The following RSPH4A variants were observed in gnomAD, a reference collection of about 807,000 sequenced individuals.
RSPH4A encodes the protein radial spoke head protein 4 homolog A.
RSPH4A carries 47 observed loss-of-function variants against 71.0 expected under a neutral mutation model. The ratio of observed to expected loss-of-function variants is 0.66; its 90% confidence interval spans 0.52 to 0.84. The LOEUF (loss-of-function observed/expected upper bound fraction) is 0.84. Among genes scored for constraint, RSPH4A ranks in the 40% least tolerant of loss-of-function variants. The pLI is 0.00. For synonymous variants in RSPH4A, 282 were observed against 302.3 expected, an observed-to-expected ratio of 0.93 and a Z score of 0.70; for missense variants, 793 against 855.2, an observed-to-expected ratio of 0.93 and a Z score of 0.91.
At chr6:116,620,947 C>T (rs1775593976) in intron 1 of RSPH4A, among the ~76,000 whole-genome samples, 2 of 152,170 alleles carry the variant, frequency 1.3e-5, no homozygotes, top group Admixed American at 1.3e-4. Context: ...CAACCTCCAC[C>T]TCCTGGGTTC....
intron 1 of RSPH4A, among the ~76,000 whole-genome samples, chr6:116,622,176 G>A (rs183239127): frequency 3.3e-5 from 5 of 152,122 alleles, no homozygotes; most frequent in Admixed American, 3.3e-4. Context: ...GGTCTGAGAA[G>A]CACTGAAGTA....
chr6:116,616,931 A>G lies in RSPH4A; in HGVS notation c.308A>G (p.Asp103Gly). 6.2e-7 allele frequency: 1 copy of G among 1,614,014 alleles called. No individual in the cohort carries two copies. Among genetic ancestry groups the G allele is most frequent in the Non-Finnish European group, 8.5e-7 (1 of 1,180,004 alleles). ...SPSPLAPARQ[D>G]LAAPPQSDRT... ...TCTCCCCTGGCTCCGGCCAGACAAG[A>G]CCTCGCGGCACCACCTCAGTCGGAC... The change falls in exon 1 of 6, where the codon GAC (aspartate) becomes GGC (glycine). Residue 103 changes from aspartate (D) to glycine (G), a missense_variant. By Grantham distance (94) the Asp-to-Gly change is moderately conservative. Transcript: ENST00000229554.
rs1173962922 is a variant in RSPH4A, at chr6:116,628,310, AT to A, written c.1605del (p.Ile535MetfsTer3). On this transcript the variant is annotated frameshift_variant, in exon 3 of 6. Coordinates refer to ENST00000229554, the MANE Select transcript of RSPH4A (RefSeq NM_001010892.3). LOFTEE classifies it high-confidence loss of function. ...CCCTGATTTTGAAGGCATCCAAGTG[AT>A]TGATCTAGTAGAATCCCTATCCAAT... is the stretch of plus-strand genomic sequence containing the variant. ...ENPDFEGIQV[I>X]DLVESLSNWV... 3.1e-6 allele frequency: 5 copies of A among 1,612,290 alleles called. 1 individual carries two copies. The South Asian group carries it at 5.5e-5, about 18-fold the overall frequency.
chr6:116,630,420 C>A lies in RSPH4A; in HGVS notation c.1799-15C>A. 1.5e-6 allele frequency: 2 copies of A among 1,374,198 alleles called. No individual in the cohort carries two copies. The highest frequency in any genetic ancestry group is 1.8e-4 in the Middle Eastern group (1 of 5,648). The allele number at this position is 1,374,198 out of a possible 1,614,324, so 85.1% of individuals were successfully genotyped here. ...AGTTAGGAATTAAGCTTTTGCATTT[C>A]TCTTTGGGTTCCAGAGATTCAGAAT... On this transcript the variant is annotated splice_polypyrimidine_tract_variant and intron_variant, in intron 4 of 5. Coordinates refer to ENST00000229554, the MANE Select transcript of RSPH4A (RefSeq NM_001010892.3).
chr6:116,630,145 G>A (rs924406101), intron 4 of RSPH4A, among the ~76,000 whole-genome samples: 2 of 151,926 alleles, frequency 1.3e-5, no homozygotes, highest in African/African-American at 4.8e-5. Context: ...CCTTTCATTG[G>A]GCCATCAAAT....
chr6:116,625,443 A>T (rs1229841599), intron 2 of RSPH4A, among the ~76,000 whole-genome samples: 1 of 152,246 alleles, frequency 6.6e-6, no homozygotes, highest in East Asian at 1.9e-4. Context: ...TTCTTTGTGC[A>T]TTGATAAGTA....
rs1583346139 is a variant in RSPH4A, at chr6:116,617,149, C to T, written c.526C>T (p.Leu176=). 6.2e-6 allele frequency: 10 copies of T among 1,614,202 alleles called. No homozygotes were observed. The highest frequency in any genetic ancestry group is 8.5e-6 in the Non-Finnish European group (10 of 1,180,040). ...VSYNNAKQKE[L]RFDVFQEEDS... is the part of the protein sequence containing the mutation. Reference sequence around the variant, plus strand: ...CTATAACAACGCTAAACAGAAAGAGCTGAGATTTGACGTTTTTCAGGAGGA... The same window carrying T: ...CTATAACAACGCTAAACAGAAAGAGTTGAGATTTGACGTTTTTCAGGAGGA... The change falls in exon 1 of 6, where the codon CTG becomes TTG. Residue 176 remains leucine (L), a synonymous_variant. Coordinates refer to ENST00000229554, the MANE Select transcript of RSPH4A (RefSeq NM_001010892.3).
In RSPH4A at chr6:116,629,703, GT is replaced by G; in HGVS notation, c.1798+3del. 1.2e-6 allele frequency: 2 copies of G among 1,607,158 alleles called. No homozygotes were observed. Among genetic ancestry groups the G allele is most frequent in the Non-Finnish European group, 1.7e-6 (2 of 1,174,120 alleles). On this transcript the variant is annotated splice_donor_variant, in intron 4 of 5. Coordinates refer to ENST00000229554, the MANE Select transcript of RSPH4A (RefSeq NM_001010892.3). LOFTEE classifies it high-confidence loss of function. ...TTGACACCAATCTCTGAAGATTTAG[GT>G]TATTTTACGTAACTATTATCACACA... is the stretch of plus-strand genomic sequence containing the variant.
At chr6:116,625,160 GTTA>G (rs1347930683) in intron 2 of RSPH4A, among the ~76,000 whole-genome samples, 1 of 152,154 alleles carries the variant, frequency 6.6e-6, no homozygotes, top group African/African-American at 2.4e-5. Flanking sequence ...AATAGCAATT[GTTA>G]TTATATTCTT....
rs779007054 is a variant in RSPH4A, at chr6:116,632,451, A to G, written c.*10A>G. 6.9e-6 allele frequency: 11 copies of G among 1,604,964 alleles called. No individual in the cohort carries two copies. The highest frequency in any genetic ancestry group is 1.7e-5 in the Admixed American group (1 of 58,646). ...AGATGATTATGACTAATAAACATAA[A>G]ATTAGCCTGGTTTTATGTGACACTG... On this transcript the variant is annotated 3_prime_UTR_variant, in exon 6 of 6. Coordinates refer to ENST00000229554, the MANE Select transcript of RSPH4A (RefSeq NM_001010892.3).
At chr6:116,625,808 GA>G (rs1337566105) in intron 2 of RSPH4A, among the ~76,000 whole-genome samples, 1 of 152,092 alleles carries the variant, frequency 6.6e-6, no homozygotes, top group Non-Finnish European at 1.5e-5. Context: ...AGAGTACATA[GA>G]AAAAAGAGAA....
Position 116,627,628 on chromosome 6 carries a change from G to T in RSPH4A, c.922-1G>T. 6.2e-7 allele frequency: 1 copy of T among 1,612,798 alleles called. No homozygotes were observed. Among genetic ancestry groups the T allele is most frequent in the Non-Finnish European group, 8.5e-7 (1 of 1,178,842 alleles). On this transcript the variant is annotated splice_acceptor_variant, in intron 2 of 5. Transcript: ENST00000229554. LOFTEE classifies it high-confidence loss of function. ...TTTAACCACAGCATTTGTTTCCCCA[G>T]GCAGAAAACGCTCTTCCAAATGTAA...
intron 5 of RSPH4A, among the ~76,000 whole-genome samples, chr6:116,631,992 G>GTT (rs570057680): frequency 6.8e-6 from 1 of 146,096 alleles, no homozygotes; most frequent in African/African-American, 2.5e-5. Context: ...TGGCCCCATG[G>GTT]TTTTTTTTTT....
Position 116,622,939 on chromosome 6 carries a change from G to A in RSPH4A, c.858G>A (p.Lys286=), listed in dbSNP as rs1285096218. Residue 286 remains lysine, a synonymous_variant, in exon 2 of 6, where the codon AAG becomes AAA. Transcript: ENST00000229554. The part of the protein sequence containing the change: ...ELLPTYEIAE[K]QKALFLQGHL... ...TTCCAACATATGAAATAGCAGAAAA[G>A]CAAAAGGCTCTTTTTCTCCAGGGAC... The A allele has an allele frequency of 6.2e-7, 1 of 1,613,934 alleles. No individual in the cohort carries two copies. Among genetic ancestry groups the A allele is most frequent in the Admixed American group, 1.7e-5 (1 of 60,002 alleles).
Position 116,628,419 on chromosome 6 carries a change from T to C in RSPH4A, c.1662+50T>C, listed in dbSNP as rs375750951. On this transcript the variant is annotated intron_variant, in intron 3 of 5. Coordinates refer to ENST00000229554, the MANE Select transcript of RSPH4A (RefSeq NM_001010892.3). ...TATCAGGTAATTAGGCAAATATTCA[T>C]TAAATGGTCACTATAATGCACAAAG... The C allele has an allele frequency of 2.0e-4, 279 of 1,396,944 alleles. 1 individual carries two copies. Among genetic ancestry groups the C allele is most frequent in the Admixed American group, 1.1e-3 (65 of 59,110 alleles). 86.5% of individuals were successfully genotyped at this position (1,396,944 alleles called of 1,614,324 possible).
chr6:116,629,174 C>A (rs2115363813), intron 3 of RSPH4A, among the ~76,000 whole-genome samples: 1 of 152,094 alleles, frequency 6.6e-6, no homozygotes, highest in East Asian at 1.9e-4. Flanking sequence ...AACCCTAAAC[C>A]TCCATAAATA....
Position 116,617,037 on chromosome 6 carries a change from T to A in RSPH4A, c.414T>A (p.Thr138=). The change falls in exon 1 of 6, where the codon ACT becomes ACA. Residue 138 remains threonine, a synonymous_variant. Transcript: ENST00000229554. ...AATCATCTGATAAAAGAGAATCAAC[T>A]CCTCATCACACAAGCCAGTCAGAAG... ...LEQSSDKRES[T]PHHTSQSEGN... 6.2e-7 allele frequency: 1 copy of A among 1,614,118 alleles called. No homozygotes were observed. The highest frequency in any genetic ancestry group is 8.5e-7 in the Non-Finnish European group (1 of 1,180,002).
chr6:116,627,716 A>C lies in RSPH4A; in HGVS notation c.1009A>C (p.Ile337Leu). 1 of 1,614,158 alleles carries C rather than the reference A, an allele frequency of 6.2e-7. No homozygotes were observed. Among genetic ancestry groups the C allele is most frequent in the East Asian group, 2.2e-5 (1 of 44,886 alleles). The change falls in exon 3 of 6, where the codon ATA (isoleucine) becomes CTA (leucine). Residue 337 changes from isoleucine (I) to leucine (L), a missense_variant. Transcript: ENST00000229554. The stretch of plus-strand genomic sequence containing the variant: ...TTTGGGCACAGATGAGACATACCGC[A>C]TATTTCTTGCCCTCAAGCAGCTTAC... ...VGLGTDETYR[I>L]FLALKQLTDT... is the part of the protein sequence containing the mutation.
chr6:116,618,097 A>G (rs1167482861), intron 1 of RSPH4A, among the ~76,000 whole-genome samples: 1 of 152,088 alleles, frequency 6.6e-6, no homozygotes, highest in Non-Finnish European at 1.5e-5. Flanking sequence ...GGAGAACCTA[A>G]TTTGCTCAAG....
Sources: gnomAD v4.1 joint callset for allele counts (sites outside exome capture counted in the v4.1 genomes callset) on GRCh38, gnomAD v4.1.1 for gene constraint, MANE v1.5 for transcripts, NCBI Gene and HGNC (gene_info 2026-07-23, HGNC 2026-07-21) for gene names.